CLPTM1L: variants seen among roughly 807,000 people sequenced by gnomAD.
CLPTM1L encodes the protein lipid scramblase CLPTM1L.
CLPTM1L carries 38 observed loss-of-function variants against 70.9 expected under a neutral mutation model. The observed-to-expected ratio is 0.54, with a 90% CI of 0.41 to 0.70. CLPTM1L has a LOEUF of 0.70. Among genes scored for constraint, CLPTM1L ranks in the 30% least tolerant of loss-of-function variants. The pLI is 0.00. For synonymous variants in CLPTM1L, 339 were observed against 299.9 expected, an observed-to-expected ratio of 1.13 and a Z score of -1.35; for missense variants, 652 against 705.9, an observed-to-expected ratio of 0.92 and a Z score of 0.87.
At chr5:1,344,561 A>T in intron 1 of CLPTM1L, 110 bp from the exon 2 acceptor site, 1 of 1,443,022 alleles carries the variant, frequency 6.9e-7, no homozygotes, top group Non-Finnish European at 9.6e-7. Flanking sequence ...GAACCAGGAA[A>T]GGTTCCATCT....
At position 1,329,316 on chromosome 5, in the gene CLPTM1L, C is replaced by T. The variant is rs547615010; in HGVS notation, c.1080+964G>A. 1.5e-3 allele frequency among the ~76,000 whole-genome samples: 221 copies of T among 152,392 alleles called. 4 individuals are homozygous for T. The highest frequency in any genetic ancestry group is 6.8e-3 in the Middle Eastern group (2 of 294). On this transcript the variant is annotated intron_variant, in intron 9 of 16. Transcript: ENST00000320895. ...GCCGCTGTGCTCAGATCTCCAGCCACAGCACGAGCCTCTCAAGGCCCCACG... is the reference window on the plus strand; with the variant it reads ...GCCGCTGTGCTCAGATCTCCAGCCATAGCACGAGCCTCTCAAGGCCCCACG...
intron 15 of CLPTM1L, among the ~76,000 whole-genome samples, chr5:1,321,281 G>A (rs1752137067): frequency 6.6e-6 from 1 of 152,388 alleles, no homozygotes; most frequent in East Asian, 1.9e-4. Flanking sequence ...GGCCCATGGG[G>A]GCTTCCATTC....
chr5:1,321,830 A>C lies in CLPTM1L; in HGVS notation c.1316-11T>G, dbSNP rs1270283345. ...CAAAGGCATAGACCCCTGCAGAAAGACAGACAGCACTCACGAGGTGCGGAG... is the reference window on the plus strand; with the variant it reads ...CAAAGGCATAGACCCCTGCAGAAAGCCAGACAGCACTCACGAGGTGCGGAG... On this transcript the variant is annotated splice_polypyrimidine_tract_variant and intron_variant, in intron 13 of 16. Transcript: ENST00000320895. 11 of 1,612,834 alleles carry C rather than the reference A, an allele frequency of 6.8e-6. No individual in the cohort carries two copies. Among genetic ancestry groups the C allele is most frequent in the Non-Finnish European group, 9.3e-6 (11 of 1,179,464 alleles).
rs115066700 is a variant in CLPTM1L at position 1,330,590 on chromosome 5, G to C, written c.977-207C>G. 1,157 of 559,402 alleles carry C rather than the reference G, an allele frequency of 2.1e-3. 12 individuals carry two copies. Among genetic ancestry groups the C allele is most frequent in the African/African-American group, 0.02 (1,071 of 53,334 alleles). The allele number at this position is 559,402 out of a possible 1,614,324, so 34.7% of individuals were successfully genotyped here. A position where few individuals can be genotyped will look rare whatever the true frequency, so the allele number is the denominator to read the frequency against. ...GTTTGGAAGGCTGCTGAACTGAACAGCTGGCCCCACACCAGCTCCACAAAC... is the reference window on the plus strand; with the variant it reads ...GTTTGGAAGGCTGCTGAACTGAACACCTGGCCCCACACCAGCTCCACAAAC... On this transcript the variant is annotated intron_variant, in intron 8 of 16. Transcript: ENST00000320895.
rs573455192 is a variant in CLPTM1L at position 1,325,692 on chromosome 5, G to A, written c.1146+59C>T. ...GATGGCCATCTTACTCTTTGCACAG[G>A]GGGCAAAATCACACTCTTCAGAGAG... On this transcript the variant is annotated intron_variant, in intron 10 of 16. Transcript: ENST00000320895. 8.4e-5 allele frequency: 122 copies of A among 1,448,428 alleles called. No individual in the cohort carries two copies. In the African/African-American group the frequency reaches 1.5e-3, roughly 18 times the overall value. 89.7% of individuals were successfully genotyped at this position (1,448,428 alleles called of 1,614,324 possible). A position where few individuals can be genotyped will look rare whatever the true frequency, so the allele number is the denominator to read the frequency against.
At position 1,337,774 on chromosome 5, in the gene CLPTM1L, C is replaced by G; in HGVS notation, c.678+130G>C. On this transcript the variant is annotated intron_variant, in intron 5 of 16. Transcript: ENST00000320895. ...CTCGCACACTCGAAGGCAGTGCTTC[C>G]CAGCACGGGTAAAAGCACCGTGTCA... 12 of 774,606 alleles carry G rather than the reference C, an allele frequency of 1.5e-5. No homozygotes were observed. In the South Asian group the frequency reaches 2.0e-4, roughly 13 times the overall value. The allele number at this position is 774,606 out of a possible 1,614,324, so 48.0% of individuals were successfully genotyped here. A position where few individuals can be genotyped will look rare whatever the true frequency, so the allele number is the denominator to read the frequency against.
intron 11 of CLPTM1L, chr5:1,324,127 G>T: frequency 1.9e-6 from 1 of 525,300 alleles, no homozygotes; most frequent in Non-Finnish European, 3.4e-6. Flanking sequence ...ATTCTGGTTG[G>T]TCAAAACCAA....
rs1159565209 is a variant in CLPTM1L at position 1,345,040 on chromosome 5, G to A, written c.-199C>T. 2 of 172,572 alleles carry A rather than the reference G, an allele frequency of 1.2e-5. No individual in the cohort carries two copies. The highest frequency in any genetic ancestry group is 6.6e-5 in the Admixed American group (1 of 15,058). 10.7% of individuals were successfully genotyped at this position (172,572 alleles called of 1,614,324 possible). A position where few individuals can be genotyped will look rare whatever the true frequency, so the allele number is the denominator to read the frequency against. ...GCATGCTCCGGCCCCGCTCCCACCT[G>A]GCGCCGCGGGATTCGCCGGCCCCGC... is the stretch of plus-strand genomic sequence containing the variant. On this transcript the variant is annotated 5_prime_UTR_variant, in exon 1 of 17. Transcript: ENST00000320895.
chr5:1,324,696 A>G (rs1242130676), intron 11 of CLPTM1L, 67 bp downstream of exon 11: 1 of 1,421,512 alleles, frequency 7.0e-7, no homozygotes, highest in Admixed American at 1.7e-5. Flanking sequence ...AATGACAGTA[A>G]AAGACCCGTC....
chr5:1,328,161 T>C (rs62329697), intron 9 of CLPTM1L, among the ~76,000 whole-genome samples: 670 of 7,846 alleles, frequency 0.085, 105 homozygotes, highest in East Asian at 0.34. Context: ...ACACATTCCA[T>C]CCAGCTCCTC....
intron 5 of CLPTM1L, among the ~76,000 whole-genome samples, 187 bp from the exon 6 acceptor site, chr5:1,335,361 C>G (rs139544692): frequency 6.6e-6 from 1 of 152,214 alleles, no homozygotes; most frequent in Non-Finnish European, 1.5e-5. Flanking sequence ...CAGCGTGCTG[C>G]GTTCCAGCAC....
chr5:1,330,357 C>T lies in CLPTM1L; in HGVS notation c.1003G>A (p.Val335Ile). 6.2e-7 allele frequency: 1 copy of T among 1,612,856 alleles called. No individual in the cohort carries two copies. The highest frequency in any genetic ancestry group is 1.7e-5 in the Admixed American group (1 of 60,026). The change falls in exon 9 of 17, where the codon GTC (valine) becomes ATC (isoleucine). Residue 335 changes from valine (V) to isoleucine (I), a missense_variant. Transcript: ENST00000320895. ...AVLWRCFSTV[V>I]IFLFLLDEQT... Reference sequence around the variant, plus strand: ...TCGTCCAGCAGGAACAGAAAGATGACCACGGTGCTGAAGCAGCGCCAGAGC... The same window carrying T: ...TCGTCCAGCAGGAACAGAAAGATGATCACGGTGCTGAAGCAGCGCCAGAGC...
chr5:1,325,005 C>G (rs996442063), intron 10 of CLPTM1L, 192 bp from the exon 11 acceptor site: 1 of 609,294 alleles, frequency 1.6e-6, no homozygotes, highest in Non-Finnish European at 2.9e-6. Flanking sequence ...CCGCCTCACC[C>G]TGGCCCTGGG....
intron 9 of CLPTM1L, among the ~76,000 whole-genome samples, chr5:1,327,396 GGC>G: frequency 6.8e-6 from 1 of 147,102 alleles, no homozygotes; most frequent in African/African-American, 2.5e-5. Flanking sequence ...CTCCTCTACA[GGC>G]ACATTCCATC....
In CLPTM1L at chr5:1,342,256, G is replaced by A. The variant is rs375715360; in HGVS notation, c.264-396C>T. Among the ~76,000 whole-genome samples, 8 of 152,200 alleles carry A rather than the reference G, an allele frequency of 5.3e-5. No individual in the cohort carries two copies. The highest frequency in any genetic ancestry group is 3.8e-4 in the East Asian group (2 of 5,198). ...ACACTGAATCACCCAACTCCGAAGC[G>A]ACAGAAGGGAAGGGCAGCAGCCACG... On this transcript the variant is annotated intron_variant, in intron 2 of 16. Transcript: ENST00000320895. This position sits in a 1 kb window ranked among gnomAD's most constrained non-coding sequence, Gnocchi z 4.3.
intron 2 of CLPTM1L, among the ~76,000 whole-genome samples, chr5:1,343,285 G>A (rs1393007684): frequency 6.6e-6 from 1 of 152,166 alleles, no homozygotes; most frequent in Non-Finnish European, 1.5e-5. Flanking sequence ...TCTCCACCAG[G>A]ACATCTTAAG....
chr5:1,323,658 C>A (rs1284937607), intron 12 of CLPTM1L, 129 bp downstream of exon 12: 12 of 695,492 alleles, frequency 1.7e-5, no homozygotes, highest in African/African-American at 3.5e-5. Context: ...GGGCAGGACC[C>A]CTCCCAGGCG....
chr5:1,324,269 C>T (rs1752368740), intron 11 of CLPTM1L, among the ~76,000 whole-genome samples: 1 of 152,226 alleles, frequency 6.6e-6, no homozygotes, highest in Non-Finnish European at 1.5e-5. Flanking sequence ...TGGATATAAG[C>T]TGGTGAAGAT....
intron 7 of CLPTM1L, among the ~76,000 whole-genome samples, chr5:1,333,549 G>A (rs1753304851): frequency 6.6e-6 from 1 of 151,016 alleles, no homozygotes; most frequent in African/African-American, 2.5e-5. Context: ...GGGGACTACT[G>A]TATACACACC....
Sources: allele counts gnomAD v4.1 joint callset (sites outside exome capture counted in the v4.1 genomes callset), GRCh38; gene constraint gnomAD v4.1.1; non-coding constraint Gnocchi (gnomAD v3.1); transcripts MANE v1.5; gene names NCBI Gene and HGNC (gene_info 2026-07-23, HGNC 2026-07-21).